UST: variants seen among roughly 807,000 people sequenced by gnomAD.
UST encodes uronyl 2-sulfotransferase.
UST carries 21 observed loss-of-function variants against 45.6 expected under a neutral mutation model. The observed-to-expected ratio is 0.46, with a 90% confidence interval of 0.33 to 0.66. UST has a LOEUF of 0.66. UST is among the 30% of genes least tolerant of loss of function. UST has a pLI of 0.02. For synonymous variants in UST, 215 were observed against 200.6 expected, an observed-to-expected ratio of 1.07 and a Z score of -0.61; for missense variants, 463 against 512.4, an observed-to-expected ratio of 0.90 and a Z score of 0.93.
intron 2 of UST, among the ~76,000 whole-genome samples, chr6:148,901,036 A>C (rs181727821): frequency 1.5e-4 from 23 of 152,294 alleles, no homozygotes; most frequent in South Asian, 4.1e-4. Flanking sequence ...GTAATCCAGG[A>C]TCCTCTCCTC....
intron 1 of UST, among the ~76,000 whole-genome samples, chr6:148,855,218 G>A (rs1163596965): frequency 6.6e-6 from 1 of 152,146 alleles, no homozygotes; most frequent in African/African-American, 2.4e-5. Flanking sequence ...AGATTTGATG[G>A]GGACACAGCC....
At chr6:148,840,367 AC>A (rs763362907) in intron 1 of UST, among the ~76,000 whole-genome samples, 1 of 152,208 alleles carries the variant, frequency 6.6e-6, no homozygotes, top group Non-Finnish European at 1.5e-5. Flanking sequence ...TTTGATTTAC[AC>A]GTTCAGTTTT....
At chr6:148,919,562 G>T (rs571879755) in intron 2 of UST, among the ~76,000 whole-genome samples, 1 of 152,292 alleles carries the variant, frequency 6.6e-6, no homozygotes, top group Non-Finnish European at 1.5e-5. Flanking sequence ...TCTACATAAT[G>T]AAATAATTAT....
chr6:148,883,922 A>C (rs564218931), intron 1 of UST, among the ~76,000 whole-genome samples: 13 of 152,330 alleles, frequency 8.5e-5, no homozygotes, highest in Non-Finnish European at 1.8e-4. Flanking sequence ...ACTTGAGGTC[A>C]GGAGTTCAAG....
chr6:148,981,730 C>A (rs1457641676), intron 5 of UST, among the ~76,000 whole-genome samples: 1 of 152,204 alleles, frequency 6.6e-6, no homozygotes, highest in African/African-American at 2.4e-5. Context: ...CACATCAGTG[C>A]ATCCTTTGCA....
rs1347879176 is a variant in UST at position 149,076,721 on chromosome 6, A to G, written c.*2605A>G. On this transcript the variant is annotated 3_prime_UTR_variant, in exon 8 of 8. Coordinates refer to ENST00000367463, the MANE Select transcript of UST (RefSeq NM_005715.3). The stretch of plus-strand genomic sequence containing the variant: ...TAGTTGATCTTTGACTGTCTTATTT[A>G]TTATAACCTTTCAGCACATTCCAAG... 1 of 152,636 alleles carries G rather than the reference A, an allele frequency of 6.6e-6. No individual in the cohort carries two copies. Among genetic ancestry groups the G allele is most frequent in the African/African-American group, 2.4e-5 (1 of 41,450 alleles). 9.5% of individuals were successfully genotyped at this position (152,636 alleles called of 1,614,324 possible). A position where few individuals can be genotyped will look rare whatever the true frequency, so the allele number is the denominator to read the frequency against.
intron 5 of UST, among the ~76,000 whole-genome samples, chr6:149,006,819 T>C (rs1775709250): frequency 6.6e-6 from 1 of 152,236 alleles, no homozygotes; most frequent in Non-Finnish European, 1.5e-5. Flanking sequence ...ATCATTGTGG[T>C]TTTTATTTCT....
chr6:148,772,217 G>A (rs747388671), intron 1 of UST, among the ~76,000 whole-genome samples: 3 of 152,124 alleles, frequency 2.0e-5, no homozygotes, highest in Non-Finnish European at 4.4e-5. Flanking sequence ...TCTCTTTATC[G>A]GTTTCTGCAG....
intron 7 of UST, among the ~76,000 whole-genome samples, chr6:149,037,841 T>C (rs1776258736): frequency 6.6e-6 from 1 of 152,120 alleles, no homozygotes. Context: ...CAATCCGAGG[T>C]TATTGGAGAA....
chr6:148,868,048 T>G (rs1192149225), intron 1 of UST, among the ~76,000 whole-genome samples: 1 of 152,166 alleles, frequency 6.6e-6, no homozygotes, highest in Non-Finnish European at 1.5e-5. Context: ...TGAGCAGTCC[T>G]GGCATCATCA....
intron 5 of UST, among the ~76,000 whole-genome samples, chr6:149,003,809 A>G (rs1387883737): frequency 6.6e-6 from 1 of 152,142 alleles, no homozygotes; most frequent in Admixed American, 6.5e-5. Flanking sequence ...AGGTTCAGAG[A>G]GTGGAATTAG....
At chr6:149,048,124 T>C (rs1776420035) in intron 7 of UST, among the ~76,000 whole-genome samples, 2 of 125,806 alleles carry the variant, frequency 1.6e-5, no homozygotes, top group African/African-American at 6.9e-5. Context: ...GTCTAAAGAG[T>C]TCATTTTTTT....
In UST at chr6:148,941,237, C is replaced by T. The variant is rs1582911107; in HGVS notation, c.292-42C>T. ...TTGAGGGAAGAATCCTAAGTATTTC[C>T]ATACAGACGTTTCATGTTTGTTCTC... On this transcript the variant is annotated intron_variant, in intron 2 of 7. Transcript: ENST00000367463. 3 of 1,606,674 alleles carry T rather than the reference C, an allele frequency of 1.9e-6. No homozygotes were observed. In the East Asian group the frequency reaches 6.7e-5, roughly 36 times the overall value.
rs147094427 is a variant in UST, at chr6:148,840,063, G to C, written c.248-46923G>C. Among the ~76,000 whole-genome samples, 302 of 152,264 alleles carry C rather than the reference G, an allele frequency of 2.0e-3. 2 individuals carry two copies. Among genetic ancestry groups the C allele is most frequent in the Non-Finnish European group, 2.6e-3 (179 of 68,020 alleles). ...CCAGTCAGGAAACAGAAACTCGTTG[G>C]CTATTGCAAACAGAGGGTATCTAAT... On this transcript the variant is annotated intron_variant, in intron 1 of 7. Transcript: ENST00000367463.
At chr6:148,878,167 G>C (rs1303279030) in intron 1 of UST, among the ~76,000 whole-genome samples, 1 of 126,034 alleles carries the variant, frequency 7.9e-6, no homozygotes, top group Non-Finnish European at 1.7e-5. Flanking sequence ...TGAGTGCGGG[G>C]GATTGTGTAC....
chr6:148,962,165 C>T (rs1324687479), intron 4 of UST, among the ~76,000 whole-genome samples: 1 of 152,246 alleles, frequency 6.6e-6, no homozygotes, highest in East Asian at 1.9e-4. Flanking sequence ...CATTCTTAAG[C>T]CATCTAAAAC....
At chr6:148,805,688 C>G (rs1777133484) in intron 1 of UST, among the ~76,000 whole-genome samples, 1 of 152,214 alleles carries the variant, frequency 6.6e-6, no homozygotes, top group African/African-American at 2.4e-5. Context: ...AGAATACGGG[C>G]TTTAAAGTTT....
At chr6:148,929,542 TC>T (rs1222802725) in intron 2 of UST, among the ~76,000 whole-genome samples, 6 of 152,320 alleles carry the variant, frequency 3.9e-5, no homozygotes, top group Admixed American at 6.5e-5. Flanking sequence ...TGCTGGCATT[TC>T]CAGGATGGAA....
intron 1 of UST, among the ~76,000 whole-genome samples, chr6:148,760,266 A>C (rs1776187167): frequency 6.6e-6 from 1 of 152,228 alleles, no homozygotes; most frequent in African/African-American, 2.4e-5. Context: ...GAAGAAGCAG[A>C]GTAAGACATG....
Sources: allele counts gnomAD v4.1 joint callset (sites outside exome capture counted in the v4.1 genomes callset), GRCh38; gene constraint gnomAD v4.1.1; transcripts MANE v1.5; gene names NCBI Gene and HGNC (gene_info 2026-07-23, HGNC 2026-07-21).